The following INPP4B variants were observed in gnomAD, a reference collection of about 807,000 sequenced individuals.
The protein encoded by INPP4B is inositol polyphosphate-4-phosphatase type II B.
In INPP4B, 55 loss-of-function variants were observed where a neutral mutation model predicts 122.5. The observed-to-expected ratio is 0.45, with a 90% CI of 0.36 to 0.56. The LOEUF (loss-of-function observed/expected upper bound fraction) is 0.56. Ranked by LOEUF, INPP4B falls within the 20% of genes least tolerant of loss-of-function variation. The probability of loss-of-function intolerance (pLI) is 0.00; values close to 1 mark genes in which losing one functional copy is unlikely to be tolerated. For missense variants in INPP4B, 1,000 were observed against 1,097.7 expected (o/e 0.91, Z 1.26); for synonymous variants, 403 against 388.7 (o/e 1.04, Z -0.43).
intron 2 of INPP4B, among the ~76,000 whole-genome samples, chr4:142,483,136 G>A (rs954188589): frequency 7.4e-6 from 1 of 134,940 alleles, no homozygotes; most frequent in Admixed American, 7.7e-5. Context: ...AAATAAAAAT[G>A]TCCATAATAA....
rs145280929 is a variant in INPP4B at position 142,253,182 on chromosome 4, C to T, written c.688+7310G>A. On this transcript the variant is annotated intron_variant, in intron 11 of 25. Transcript: ENST00000262992. ...TAAAGGGCATTTACCATGAAAGAAG[C>T]CTTCAGAGCTAGAAGAAGGTGCTCT... Among the ~76,000 whole-genome samples the T allele has an allele frequency of 9.2e-5, 14 of 152,204 alleles. No individual in the cohort carries two copies. In the East Asian group the frequency reaches 2.7e-3, roughly 29 times the overall value.
At chr4:142,399,656 A>G (rs1800957227) in intron 7 of INPP4B, among the ~76,000 whole-genome samples, 1 of 152,200 alleles carries the variant, frequency 6.6e-6, no homozygotes, top group Non-Finnish European at 1.5e-5. Context: ...ATACATCCAG[A>G]AGATATCAAC....
intron 2 of INPP4B, among the ~76,000 whole-genome samples, chr4:142,464,181 T>TTA (rs1399739434): frequency 6.6e-6 from 1 of 152,138 alleles, no homozygotes; most frequent in African/African-American, 2.4e-5. Context: ...CAATTTACTA[T>TTA]TATATATAAT....
chr4:142,056,915 CA>C (rs534657304), intron 25 of INPP4B, among the ~76,000 whole-genome samples: 151 of 152,224 alleles, frequency 9.9e-4, no homozygotes, highest in African/African-American at 3.5e-3. Context: ...CTGCATTTTA[CA>C]ACTCAAATAT....
chr4:142,779,442 G>T (rs1774459223), intron 1 of INPP4B, among the ~76,000 whole-genome samples: 1 of 151,986 alleles, frequency 6.6e-6, no homozygotes, highest in African/African-American at 2.4e-5. Flanking sequence ...ACAGACCAAA[G>T]GAAGTTATAA....
intron 2 of INPP4B, among the ~76,000 whole-genome samples, chr4:142,621,343 G>A (rs996143071): frequency 1.3e-5 from 2 of 151,884 alleles, no homozygotes; most frequent in African/African-American, 4.8e-5. Context: ...AATTATATCT[G>A]TTTAGGCCAG....
rs1302850884 is a variant in INPP4B, at chr4:142,545,819, G to A, written c.-190-83093C>T. 1.2e-3 allele frequency among the ~76,000 whole-genome samples: 66 copies of A among 54,894 alleles called. No individual in the cohort carries two copies. The Middle Eastern group carries it at 0.033, about 27-fold the overall frequency. The allele number at this position is 54,894 out of a possible 152,430, so 36.0% of individuals were successfully genotyped here. ...TGTATATATATACACATATACATGT[G>A]TGTATATATATATATATAAAATGGT... On this transcript the variant is annotated intron_variant, in intron 2 of 25. Transcript: ENST00000262992.
intron 9 of INPP4B, among the ~76,000 whole-genome samples, chr4:142,296,178 C>G (rs1283856161): frequency 6.6e-6 from 1 of 152,122 alleles, no homozygotes; most frequent in Non-Finnish European, 1.5e-5. Context: ...GAACTCTAAA[C>G]CAATTTGCAA....
At chr4:142,450,345 A>AT (rs1379783118) in intron 3 of INPP4B, among the ~76,000 whole-genome samples, 1 of 152,230 alleles carries the variant, frequency 6.6e-6, no homozygotes, top group Non-Finnish European at 1.5e-5. Flanking sequence ...ATCATCCAGA[A>AT]TTTAACAATT....
At chr4:142,250,606 A>T (rs1731490561) in intron 11 of INPP4B, among the ~76,000 whole-genome samples, 1 of 152,226 alleles carries the variant, frequency 6.6e-6, no homozygotes, top group Non-Finnish European at 1.5e-5. Flanking sequence ...CTATATCTGC[A>T]CAATGCACCT....
chr4:142,649,054 C>T (rs1171664602), intron 2 of INPP4B, among the ~76,000 whole-genome samples: 1 of 152,212 alleles, frequency 6.6e-6, no homozygotes, highest in African/African-American at 2.4e-5. Flanking sequence ...TCTGCAGCCT[C>T]TGCTGGTGAT....
intron 23 of INPP4B, among the ~76,000 whole-genome samples, chr4:142,103,141 T>A (rs1785280109): frequency 6.6e-6 from 1 of 152,060 alleles, no homozygotes; most frequent in African/African-American, 2.4e-5. Context: ...AATCATCAAA[T>A]CCAATAGCTT....
At chr4:142,143,040 C>T (rs1462909350) in intron 18 of INPP4B, among the ~76,000 whole-genome samples, 1 of 152,052 alleles carries the variant, frequency 6.6e-6, no homozygotes, top group African/African-American at 2.4e-5. Context: ...CAATCTTCTA[C>T]CTCTTCAAAA....
chr4:142,232,619 A>C (rs769479551), intron 12 of INPP4B, among the ~76,000 whole-genome samples: 4 of 151,882 alleles, frequency 2.6e-5, no homozygotes, highest in African/African-American at 4.8e-5. Context: ...AGTTAGGCCA[A>C]TCTATAACCC....
At chr4:142,719,593 G>A (rs1764245598) in intron 2 of INPP4B, among the ~76,000 whole-genome samples, 1 of 151,314 alleles carries the variant, frequency 6.6e-6, no homozygotes, top group Admixed American at 6.6e-5. Flanking sequence ...CAAAGTGCTG[G>A]GATTACAGGC....
intron 9 of INPP4B, among the ~76,000 whole-genome samples, chr4:142,293,461 T>G (rs930337755): frequency 1.3e-5 from 2 of 152,212 alleles, no homozygotes; most frequent in Non-Finnish European, 2.9e-5. Flanking sequence ...ACTAAATGTA[T>G]TCAAGTAAAA....
intron 25 of INPP4B, among the ~76,000 whole-genome samples, chr4:142,050,335 A>C (rs1753822601): frequency 6.6e-6 from 1 of 151,992 alleles, no homozygotes; most frequent in Admixed American, 6.6e-5. Flanking sequence ...TTGTAACCAA[A>C]AGGATGTCAT....
At chr4:142,639,176 CT>C (rs1297778023) in intron 2 of INPP4B, among the ~76,000 whole-genome samples, 13 of 151,990 alleles carry the variant, frequency 8.6e-5, no homozygotes, top group Non-Finnish European at 1.6e-4. Flanking sequence ...GATTTGATTT[CT>C]TAGTATTTTG....
At chr4:142,700,269 GTAA>G (rs1184603555) in intron 2 of INPP4B, among the ~76,000 whole-genome samples, 1 of 152,122 alleles carries the variant, frequency 6.6e-6, no homozygotes, top group Non-Finnish European at 1.5e-5. Flanking sequence ...ATGGATATGG[GTAA>G]TAATAAACTT....
Sources: allele counts gnomAD v4.1 joint callset (sites outside exome capture counted in the v4.1 genomes callset), GRCh38; gene constraint gnomAD v4.1.1; transcripts MANE v1.5; gene names NCBI Gene and HGNC (gene_info 2026-07-23, HGNC 2026-07-21).